PRKN: variants seen among roughly 807,000 people sequenced by gnomAD.
PRKN encodes the protein E3 ubiquitin-protein ligase parkin.
PRKN carries 56 observed loss-of-function variants against 59.5 expected under a neutral mutation model. That is an observed-to-expected ratio of 0.94 (90% CI 0.76 to 1.18). The LOEUF (loss-of-function observed/expected upper bound fraction) is 1.18, where lower values mean the gene tolerates loss of function less well. PRKN is among the 50% of genes most tolerant of loss of function. PRKN has a pLI of 0.00. For synonymous variants in PRKN, 250 were observed against 222.1 expected (o/e 1.13, Z -1.12); for missense variants, 657 against 596.4 (o/e 1.10, Z -1.06).
At position 161,352,769 on chromosome 6, in the gene PRKN, A is replaced by ATATTTTT. The variant is rs1784607767; in HGVS notation, c.1286-2559_1286-2558insAAAAATA. ...TGTGTGTGTGTGTATATATATATAT[A>ATATTTTT]TATTTTATTTTATTTTATTTTATTT... On this transcript the variant is annotated intron_variant, in intron 11 of 11. Coordinates refer to ENST00000366898, the MANE Select transcript of PRKN (RefSeq NM_004562.3). The surrounding 1 kb of genome is among the most constrained non-coding windows in gnomAD (Gnocchi z 5.8). 4.2e-5 allele frequency among the ~76,000 whole-genome samples: 5 copies of ATATTTTT among 119,448 alleles called. No homozygotes were observed. Among genetic ancestry groups the ATATTTTT allele is most frequent in the African/African-American group, 1.5e-4 (5 of 34,328 alleles). 78.4% of individuals were successfully genotyped at this position (119,448 alleles called of 152,430 possible). A position where few individuals can be genotyped will look rare whatever the true frequency, so the allele number is the denominator to read the frequency against.
intron 8 of PRKN, among the ~76,000 whole-genome samples, chr6:161,559,450 T>C (rs1340140918): frequency 6.6e-6 from 1 of 152,204 alleles, no homozygotes; most frequent in Non-Finnish European, 1.5e-5. Context: ...ATTTCACTCT[T>C]TGCTCTCATC....
intron 6 of PRKN, among the ~76,000 whole-genome samples, chr6:161,787,197 C>T (rs550253904): frequency 3.2e-4 from 49 of 152,242 alleles, no homozygotes; most frequent in Non-Finnish European, 4.7e-4. Flanking sequence ...AAGATAATTT[C>T]TTAACACCTA....
At chr6:161,563,575 G>A (rs1780533249) in intron 8 of PRKN, among the ~76,000 whole-genome samples, 1 of 152,134 alleles carries the variant, frequency 6.6e-6, no homozygotes, top group South Asian at 2.1e-4. Flanking sequence ...TATGAATTGT[G>A]AACACAAATC....
intron 1 of PRKN, among the ~76,000 whole-genome samples, chr6:162,598,580 C>T (rs59503315): frequency 0.027 from 4,036 of 152,144 alleles, 181 homozygotes; most frequent in African/African-American, 0.091. Context: ...AGGCTGGGCA[C>T]GGTGGCTCAA....
chr6:162,593,221 C>A (rs1781376526), intron 1 of PRKN, among the ~76,000 whole-genome samples: 1 of 152,186 alleles, frequency 6.6e-6, no homozygotes, highest in Non-Finnish European at 1.5e-5. Context: ...ATCAGCAAAG[C>A]TATCGAGGGC....
intron 5 of PRKN, among the ~76,000 whole-genome samples, chr6:162,039,783 A>T (rs1285229985): frequency 6.6e-6 from 1 of 152,186 alleles, no homozygotes; most frequent in African/African-American, 2.4e-5. Context: ...TATGACGTAC[A>T]CACACATATG....
In PRKN at chr6:162,262,568, C is replaced by T. The variant is rs1161377128; in HGVS notation, c.369G>A (p.Leu123=). ...GTGAGTCCTTCCTGCTGTCAGTGTG[C>T]AGAATGACAGCCAGCCCCACAGAGT... ...PGDSVGLAVI[L]HTDSRKDSPP... Residue 123 remains leucine, a synonymous_variant, in exon 3 of 12, where the codon CTG becomes CTA. Transcript: ENST00000366898. 5 of 1,613,086 alleles carry T rather than the reference C, an allele frequency of 3.1e-6. No individual in the cohort carries two copies. Among genetic ancestry groups the T allele is most frequent in the South Asian group, 1.1e-5 (1 of 91,070 alleles).
intron 6 of PRKN, among the ~76,000 whole-genome samples, chr6:161,885,476 A>G (rs1231626684): frequency 2.0e-5 from 3 of 152,078 alleles, no homozygotes; most frequent in East Asian, 1.9e-4. Context: ...CATCCTGGCT[A>G]ACACAGTGAA....
chr6:161,352,727 G>T lies in PRKN; in HGVS notation c.1286-2516C>A, dbSNP rs933150521. Reference sequence around the variant, plus strand: ...ATATAAACACAAATATGTATGAAGAGTGTGTGTGTGTGTGTGTGTGTGTGT... The same window carrying T: ...ATATAAACACAAATATGTATGAAGATTGTGTGTGTGTGTGTGTGTGTGTGT... On this transcript the variant is annotated intron_variant, in intron 11 of 11. Transcript: ENST00000366898. The surrounding 1 kb of genome is among the most constrained non-coding windows in gnomAD (Gnocchi z 5.8). Among the ~76,000 whole-genome samples, 1 of 62,478 alleles carries T rather than the reference G, an allele frequency of 1.6e-5. No homozygotes were observed. The highest frequency in any genetic ancestry group is 5.3e-4 in the South Asian group (1 of 1,900). 41.0% of individuals were successfully genotyped at this position (62,478 alleles called of 152,430 possible).
intron 1 of PRKN, among the ~76,000 whole-genome samples, chr6:162,575,662 A>T (rs915915911): frequency 2.0e-5 from 3 of 152,138 alleles, no homozygotes; most frequent in Admixed American, 1.3e-4. Flanking sequence ...CAGACTACAC[A>T]TCCACAACTG....
At chr6:162,694,000 C>T (rs1777875858) in intron 1 of PRKN, among the ~76,000 whole-genome samples, 1 of 152,096 alleles carries the variant, frequency 6.6e-6, no homozygotes, top group South Asian at 2.1e-4. Flanking sequence ...GTAATCCCAA[C>T]ACTTTGGGAG....
At chr6:162,334,629 AT>A (rs1783750014) in intron 2 of PRKN, among the ~76,000 whole-genome samples, 2 of 152,204 alleles carry the variant, frequency 1.3e-5, no homozygotes, top group Admixed American at 1.3e-4. Flanking sequence ...CTCAACATCC[AT>A]TCTGCATCCC....
intron 1 of PRKN, among the ~76,000 whole-genome samples, chr6:162,455,436 C>T (rs188245409): frequency 1.3e-5 from 2 of 152,214 alleles, no homozygotes; most frequent in Non-Finnish European, 2.9e-5. Context: ...TAGTATATTG[C>T]CCCAAGGCAA....
chr6:162,490,093 A>G (rs1339332986), intron 1 of PRKN, among the ~76,000 whole-genome samples: 4 of 152,170 alleles, frequency 2.6e-5, no homozygotes, highest in Non-Finnish European at 4.4e-5. Flanking sequence ...GGCTCCCTGC[A>G]GAGTCCTTGG....
intron 7 of PRKN, among the ~76,000 whole-genome samples, chr6:161,612,695 T>G (rs1582890257): frequency 8.4e-6 from 1 of 119,526 alleles, no homozygotes; most frequent in Non-Finnish European, 1.6e-5. Context: ...CACTCCAGCC[T>G]GGGTGACAGT....
At position 161,462,506 on chromosome 6, in the gene PRKN, G is replaced by A. The variant is rs1047039780; in HGVS notation, c.1084-75629C>T. ...ATAAGATGGTTAGTATGTTTGACCA[G>A]TCATTAAAATGTGTGTCTTTCTGGA... On this transcript the variant is annotated intron_variant, in intron 9 of 11. Transcript: ENST00000366898. The surrounding 1 kb of genome is among the most constrained non-coding windows in gnomAD (Gnocchi z 4.5). Among the ~76,000 whole-genome samples the A allele has an allele frequency of 6.6e-6, 1 of 152,104 alleles. No homozygotes were observed. Among genetic ancestry groups the A allele is most frequent in the African/African-American group, 2.4e-5 (1 of 41,410 alleles).
intron 7 of PRKN, among the ~76,000 whole-genome samples, chr6:161,754,731 T>C (rs911020315): frequency 9.9e-5 from 15 of 152,200 alleles, no homozygotes; most frequent in Admixed American, 5.2e-4. Context: ...TAAACGAATA[T>C]TCAATATCCC....
chr6:162,625,215 C>A (rs1168216431), intron 1 of PRKN, among the ~76,000 whole-genome samples: 4 of 152,194 alleles, frequency 2.6e-5, no homozygotes, highest in African/African-American at 9.7e-5. Flanking sequence ...GAGCGTGTAA[C>A]TGAGCGAGGA....
At chr6:161,574,639 A>G (rs1781062847) in intron 7 of PRKN, among the ~76,000 whole-genome samples, 1 of 152,274 alleles carries the variant, frequency 6.6e-6, no homozygotes, top group East Asian at 1.9e-4. Context: ...TTAAAAAATC[A>G]TCTCCGGAAC....
Sources: gnomAD v4.1 joint callset for allele counts (sites outside exome capture counted in the v4.1 genomes callset) on GRCh38, gnomAD v4.1.1 for gene constraint, Gnocchi (gnomAD v3.1) non-coding constraint, MANE v1.5 for transcripts, NCBI Gene and HGNC (gene_info 2026-07-23, HGNC 2026-07-21) for gene names.